Variants in CNR2 observed in about 807,000 individuals in gnomAD.
CNR2 encodes the protein cannabinoid receptor 2.
For synonymous variants in CNR2, 172 were observed against 182.2 expected (o/e 0.94, Z 0.45); for missense variants, 379 against 439.9 (o/e 0.86, Z 1.24).
intron 1 of CNR2, among the ~76,000 whole-genome samples, chr1:23,879,604 C>T (rs1639944147): frequency 2.0e-5 from 3 of 152,038 alleles, no homozygotes; most frequent in Admixed American, 1.3e-4. Context: ...CAGAATGAGA[C>T]CTTGTTTCAA....
At chr1:23,901,144 A>C (rs570553375) in intron 1 of CNR2, among the ~76,000 whole-genome samples, 1 of 152,050 alleles carries the variant, frequency 6.6e-6, no homozygotes, top group Non-Finnish European at 1.5e-5. Flanking sequence ...GCTTGGAACC[A>C]CTTAGTATCC....
At chr1:23,912,974 C>T (rs565524093) in intron 1 of CNR2, among the ~76,000 whole-genome samples, 1 of 152,302 alleles carries the variant, frequency 6.6e-6, no homozygotes, top group African/African-American at 2.4e-5. Flanking sequence ...CGAGACCAGC[C>T]TGGCCAACAT....
rs577637425 is a variant in CNR2 at position 23,902,332 on chromosome 1, C to G, written c.-46+10914G>C. On this transcript the variant is annotated intron_variant, in intron 1 of 1. Transcript: ENST00000374472. ...ACCTCCCAGCAGCGCTGGGTCAGGTCGGGCTCCTCAAACAGCCGGCTCTGG... is the reference window on the plus strand; with the variant it reads ...ACCTCCCAGCAGCGCTGGGTCAGGTGGGGCTCCTCAAACAGCCGGCTCTGG... 6 of 1,563,932 alleles carry G rather than the reference C, an allele frequency of 3.8e-6. No individual in the cohort carries two copies. The East Asian group carries it at 6.8e-5, about 18-fold the overall frequency.
At chr1:23,905,034 G>T in intron 1 of CNR2, among the ~76,000 whole-genome samples, 1 of 152,170 alleles carries the variant, frequency 6.6e-6, no homozygotes, top group Non-Finnish European at 1.5e-5. Flanking sequence ...CCCAGAACAG[G>T]GGAGTTTGTG....
At position 23,906,240 on chromosome 1, in the gene CNR2, A is replaced by G. The variant is rs186030400; in HGVS notation, c.-46+7006T>C. Among the ~76,000 whole-genome samples, 58 of 152,120 alleles carry G rather than the reference A, an allele frequency of 3.8e-4. No homozygotes were observed. The East Asian group carries it at 7.7e-3, about 20-fold the overall frequency. Reference sequence around the variant, plus strand: ...CCACTGTACCCACCTCCTGCCCCTTATTAAAGCTGTGTTCTCTCGTGCAAA... The same window carrying G: ...CCACTGTACCCACCTCCTGCCCCTTGTTAAAGCTGTGTTCTCTCGTGCAAA... On this transcript the variant is annotated intron_variant, in intron 1 of 1. Transcript: ENST00000374472.
chr1:23,893,226 C>T (rs961255972), intron 1 of CNR2, among the ~76,000 whole-genome samples: 8 of 152,156 alleles, frequency 5.3e-5, no homozygotes, highest in Admixed American at 3.3e-4. Flanking sequence ...TCAGTCTCCC[C>T]AGACCTTTCC....
chr1:23,911,424 G>C (rs1331913680), intron 1 of CNR2, among the ~76,000 whole-genome samples: 1 of 152,068 alleles, frequency 6.6e-6, no homozygotes, highest in East Asian at 1.9e-4. Flanking sequence ...AGTCCATTTG[G>C]GCAATGGGCA....
chr1:23,889,105 C>T (rs6691618), intron 1 of CNR2, among the ~76,000 whole-genome samples: 128,454 of 152,024 alleles, frequency 0.84, 54,374 homozygotes, highest in Admixed American at 0.86. Context: ...CATGGTGGGG[C>T]TGGTGTTAGG....
At chr1:23,913,047 A>G (rs1640612407) in intron 1 of CNR2, among the ~76,000 whole-genome samples, 199 bp downstream of exon 1, 2 of 151,144 alleles carry the variant, frequency 1.3e-5, no homozygotes, top group African/African-American at 4.9e-5. Context: ...CACACCTGTA[A>G]TCCCAACTAC....
intron 1 of CNR2, among the ~76,000 whole-genome samples, chr1:23,887,621 T>C (rs573540212): frequency 2.6e-5 from 4 of 152,340 alleles, no homozygotes; most frequent in South Asian, 4.1e-4. Flanking sequence ...TTTGGACAGC[T>C]ATAAATCCCT....
intron 1 of CNR2, among the ~76,000 whole-genome samples, chr1:23,886,172 G>A (rs377331743): frequency 1.4e-5 from 2 of 141,530 alleles, no homozygotes; most frequent in East Asian, 4.0e-4. Flanking sequence ...CTGGGTGACA[G>A]GGCGAGACTC....
At chr1:23,900,228 A>T (rs1168189148) in intron 1 of CNR2, among the ~76,000 whole-genome samples, 1 of 152,050 alleles carries the variant, frequency 6.6e-6, no homozygotes, top group Non-Finnish European at 1.5e-5. Flanking sequence ...TCCCTGGCCA[A>T]TCAGCACTCC....
intron 1 of CNR2, among the ~76,000 whole-genome samples, chr1:23,886,941 T>C (rs1407831916): frequency 1.3e-5 from 2 of 152,206 alleles, no homozygotes; most frequent in African/African-American, 4.8e-5. Context: ...AGTCTTGCTC[T>C]GTTGCCCAGG....
At chr1:23,878,156 GA>G (rs1209577352) in intron 1 of CNR2, among the ~76,000 whole-genome samples, 1 of 152,058 alleles carries the variant, frequency 6.6e-6, no homozygotes, top group African/African-American at 2.4e-5. Context: ...TAGTAGTAAA[GA>G]ATTATCCATC....
intron 1 of CNR2, chr1:23,901,556 G>C: frequency 6.2e-7 from 1 of 1,612,658 alleles, no homozygotes; most frequent in African/African-American, 1.3e-5. Context: ...GAACTGGAAG[G>C]CCACCTTTCT....
chr1:23,882,596 A>C (rs932955804), intron 1 of CNR2, among the ~76,000 whole-genome samples: 11 of 147,762 alleles, frequency 7.4e-5, no homozygotes, highest in African/African-American at 2.7e-4. Flanking sequence ...ACCTGAGGTC[A>C]GGAGTTTCAG....
intron 1 of CNR2, among the ~76,000 whole-genome samples, chr1:23,912,730 T>C (rs1319214291): frequency 6.6e-6 from 1 of 152,214 alleles, no homozygotes. Context: ...TCCTGATTCT[T>C]GGTCCTAGGA....
chr1:23,902,169 G>T, intron 1 of CNR2: 1 of 1,404,410 alleles, frequency 7.1e-7, no homozygotes, highest in Non-Finnish European at 1.0e-6. Flanking sequence ...ACTCTGCCTT[G>T]GCCCAGTTCA....
At chr1:23,878,563 A>G (rs1639928025) in intron 1 of CNR2, among the ~76,000 whole-genome samples, 2 of 152,048 alleles carry the variant, frequency 1.3e-5, no homozygotes, top group African/African-American at 4.8e-5. Flanking sequence ...TATTTTTAGT[A>G]GAAAAGGGGT....
Sources: gnomAD v4.1 joint callset for allele counts (sites outside exome capture counted in the v4.1 genomes callset) on GRCh38, gnomAD v4.1.1 for gene constraint, MANE v1.5 for transcripts, NCBI Gene and HGNC (gene_info 2026-07-23, HGNC 2026-07-21) for gene names.